The following TYW5 variants were observed in gnomAD, a reference collection of about 807,000 sequenced individuals.
TYW5 encodes the protein tRNA wybutosine-synthesizing protein 5.
In TYW5, 36 loss-of-function variants were observed where a neutral mutation model predicts 44.4. That is an observed-to-expected ratio of 0.81 (90% confidence interval 0.62 to 1.07). The LOEUF (loss-of-function observed/expected upper bound fraction) is 1.07, where lower values mean the gene tolerates loss of function less well. Ranked by LOEUF, TYW5 falls within the 50% of genes least tolerant of loss-of-function variation. The pLI is 0.00. For missense variants in TYW5, 354 were observed against 365.7 expected (o/e 0.97, Z 0.26); for synonymous variants, 121 against 128.1 (o/e 0.94, Z 0.37).
intron 4 of TYW5, 103 bp from the exon 5 acceptor site, chr2:199,939,173 G>T (rs1195662686): frequency 1.9e-6 from 2 of 1,032,226 alleles, no homozygotes; most frequent in East Asian, 2.6e-5. Context: ...ACTATGATGT[G>T]ACCATGTGCC....
intron 2 of TYW5, chr2:199,947,694 T>C (rs1407849341): frequency 3.3e-5 from 5 of 152,260 alleles, no homozygotes; most frequent in African/African-American, 9.6e-5. Flanking sequence ...TAATCAAGCA[T>C]TGAATGAGTA....
intron 2 of TYW5, 47 bp from the exon 3 acceptor site, chr2:199,943,881 A>G (rs762041249): frequency 7.0e-7 from 1 of 1,428,874 alleles, no homozygotes. Flanking sequence ...TAACAGATCA[A>G]CTAGTAAGAA....
intron 7 of TYW5, among the ~76,000 whole-genome samples, chr2:199,934,407 C>G (rs902545424): frequency 4.0e-5 from 6 of 151,660 alleles, no homozygotes; most frequent in Non-Finnish European, 8.8e-5. Context: ...AGATCTTAAT[C>G]ATGCTCCCAA....
rs33943305 is a variant in TYW5 at position 199,929,554 on chromosome 2, A to ATTTT, written c.*3509_*3512dup. On this transcript the variant is annotated 3_prime_UTR_variant, in exon 8 of 8. Coordinates refer to ENST00000354611, the MANE Select transcript of TYW5 (RefSeq NM_001039693.3). ...CCAGGCCTGCCTTCCAGCTTCCTGC[A>ATTTT]TTTTTTTTTTTTTTTTTTTGTCAAC... 2.8e-5 allele frequency among the ~76,000 whole-genome samples: 3 copies of ATTTT among 107,542 alleles called. No homozygotes were observed. Among genetic ancestry groups the ATTTT allele is most frequent in the Non-Finnish European group, 6.0e-5 (3 of 50,304 alleles). The allele number at this position is 107,542 out of a possible 152,430, so 70.6% of individuals were successfully genotyped here.
intron 6 of TYW5, 151 bp downstream of exon 6, chr2:199,936,254 T>C (rs1280362746): frequency 2.6e-5 from 19 of 741,676 alleles, no homozygotes; most frequent in Non-Finnish European, 3.7e-5. Context: ...TGTAATAAGA[T>C]AATTTCAAAT....
chr2:199,939,113 C>T (rs1212277130), intron 4 of TYW5, 43 bp from the exon 5 acceptor site: 1 of 1,542,650 alleles, frequency 6.5e-7, no homozygotes. Flanking sequence ...AGATTAGACC[C>T]TATGATATTA....
rs747899201 is a variant in TYW5, at chr2:199,948,434, T to C, written c.117A>G (p.Pro39=). 1 of 1,614,168 alleles carries C rather than the reference T, an allele frequency of 6.2e-7. No homozygotes were observed. The highest frequency in any genetic ancestry group is 8.5e-7 in the Non-Finnish European group (1 of 1,180,018). Residue 39 remains proline (P), a synonymous_variant, in exon 2 of 8, where the codon CCA becomes CCG. Transcript: ENST00000354611. ...AATCCACTGTCCATTTGCTTGTACATGGCCCCAAATCAATCCCTTCCAACA... is the reference window on the plus strand; with the variant it reads ...AATCCACTGTCCATTTGCTTGTACACGGCCCCAAATCAATCCCTTCCAACA... The part of the protein sequence containing the change: ...PLVLEGIDLG[P]CTSKWTVDYL...
At chr2:199,943,020 C>A (rs188807379) in intron 3 of TYW5, 268 of 152,254 alleles carry the variant, frequency 1.8e-3, no homozygotes, top group Admixed American at 3.5e-3. Flanking sequence ...TCATGCCCAG[C>A]TAATTTTGTA....
chr2:199,954,705 G>T (rs1373985195), intron 1 of TYW5, among the ~76,000 whole-genome samples: 1 of 152,134 alleles, frequency 6.6e-6, no homozygotes. Context: ...GATTACAGGC[G>T]TGAGCCACCG....
chr2:199,951,215 TA>T (rs776905178), intron 1 of TYW5, among the ~76,000 whole-genome samples: 10 of 152,224 alleles, frequency 6.6e-5, no homozygotes, highest in Non-Finnish European at 1.3e-4. Context: ...GGTTTCATTA[TA>T]GGTCATTTCC....
chr2:199,944,079 A>C (rs1559304654), intron 2 of TYW5: 1 of 343,960 alleles, frequency 2.9e-6, no homozygotes, highest in Non-Finnish European at 5.2e-6. Context: ...ATACAGATGA[A>C]TCTTTCAATA....
Position 199,929,937 on chromosome 2 carries a change from T to C in TYW5, c.*3130A>G, listed in dbSNP as rs899630566. On this transcript the variant is annotated 3_prime_UTR_variant, in exon 8 of 8. Coordinates refer to ENST00000354611, the MANE Select transcript of TYW5 (RefSeq NM_001039693.3). Reference sequence around the variant, plus strand: ...CCTCCCAAGATGCTGGGACTACAGGTGTGGACCACCACTCCCCAGCTCTGC... The same window carrying C: ...CCTCCCAAGATGCTGGGACTACAGGCGTGGACCACCACTCCCCAGCTCTGC... The C allele has an allele frequency of 6.6e-6, 1 of 151,946 alleles. No individual in the cohort carries two copies. The highest frequency in any genetic ancestry group is 1.5e-5 in the Non-Finnish European group (1 of 68,720). The allele number at this position is 151,946 out of a possible 1,614,324, so 9.4% of individuals were successfully genotyped here. A position where few individuals can be genotyped will look rare whatever the true frequency, so the allele number is the denominator to read the frequency against.
Position 199,932,893 on chromosome 2 carries a change from C to T in TYW5, c.*174G>A, listed in dbSNP as rs2077390471. 2.7e-6 allele frequency: 2 copies of T among 733,960 alleles called. No individual in the cohort carries two copies. Among genetic ancestry groups the T allele is most frequent in the South Asian group, 2.2e-5 (1 of 46,292 alleles). 45.5% of individuals were successfully genotyped at this position (733,960 alleles called of 1,614,324 possible). ...AGCATCTGAATGTTAAAGAGTGGTC[C>T]CAGCACAGCATTCTTTAATTATAAC... is the stretch of plus-strand genomic sequence containing the variant. On this transcript the variant is annotated 3_prime_UTR_variant, in exon 8 of 8. Transcript: ENST00000354611.
intron 1 of TYW5, among the ~76,000 whole-genome samples, chr2:199,949,789 T>C (rs1338182449): frequency 6.6e-6 from 1 of 152,222 alleles, no homozygotes; most frequent in Non-Finnish European, 1.5e-5. Flanking sequence ...CTAAACTCCA[T>C]CATTTCTTCT....
intron 5 of TYW5, 118 bp from the exon 6 acceptor site, chr2:199,936,610 G>A: frequency 1.3e-6 from 1 of 744,474 alleles, no homozygotes; most frequent in Non-Finnish European, 2.2e-6. Context: ...ACTTACTTAA[G>A]ACTCTTACAG....
rs924472154 is a variant in TYW5, at chr2:199,948,311, A to G, written c.233+7T>C. ...GTATCCCCAGAGTAAACCTCAGAAG[A>G]AAATACCTATATACAAAGTTCTTAC... On this transcript the variant is annotated splice_region_variant and intron_variant, in intron 2 of 7. Transcript: ENST00000354611. The G allele has an allele frequency of 1.9e-6, 3 of 1,613,994 alleles. No individual in the cohort carries two copies. The highest frequency in any genetic ancestry group is 2.5e-6 in the Non-Finnish European group (3 of 1,179,944).
rs1299977550 is a variant in TYW5 at position 199,929,237 on chromosome 2, A to T, written c.*3830T>A. Among the ~76,000 whole-genome samples the T allele has an allele frequency of 6.6e-6, 1 of 152,186 alleles. No individual in the cohort carries two copies. Among genetic ancestry groups the T allele is most frequent in the African/African-American group, 2.4e-5 (1 of 41,436 alleles). On this transcript the variant is annotated 3_prime_UTR_variant, in exon 8 of 8. Coordinates refer to ENST00000354611, the MANE Select transcript of TYW5 (RefSeq NM_001039693.3). ...AGCATTAGGAGATATACCTAATGTA[A>T]ATGACGAGTTAACGGGTGCAGCACA... is the stretch of plus-strand genomic sequence containing the variant.
Position 199,931,461 on chromosome 2 carries a change from T to C in TYW5, c.*1606A>G, listed in dbSNP as rs1383379168. Reference sequence around the variant, plus strand: ...AGATTTATTAAAAACTGACCATAAATAATGTGTAAACTAAGGAGAGTTTTG... The same window carrying C: ...AGATTTATTAAAAACTGACCATAAACAATGTGTAAACTAAGGAGAGTTTTG... On this transcript the variant is annotated 3_prime_UTR_variant, in exon 8 of 8. Transcript: ENST00000354611. 6.6e-6 allele frequency: 1 copy of C among 152,148 alleles called. No homozygotes were observed. Among genetic ancestry groups the C allele is most frequent in the East Asian group, 1.9e-4 (1 of 5,198 alleles). 9.4% of individuals were successfully genotyped at this position (152,148 alleles called of 1,614,324 possible).
rs141321779 is a variant in TYW5, at chr2:199,941,151, T to G, written c.304-1018A>C. Among the ~76,000 whole-genome samples the G allele has an allele frequency of 3.1e-3, 473 of 152,300 alleles. 10 individuals are homozygous for G. The highest frequency in any genetic ancestry group is 0.023 in the Admixed American group (356 of 15,296). ...CACGCCCACTGCAGCCTCAACCTCC[T>G]GGTCTCAGGCAATCCTCCTGCCTCA... is the stretch of plus-strand genomic sequence containing the variant. On this transcript the variant is annotated intron_variant, in intron 3 of 7. Transcript: ENST00000354611.
Sources: allele counts gnomAD v4.1 joint callset (sites outside exome capture counted in the v4.1 genomes callset), GRCh38; gene constraint gnomAD v4.1.1; transcripts MANE v1.5; gene names NCBI Gene and HGNC (gene_info 2026-07-23, HGNC 2026-07-21).